The following SHISAL1 variants were observed in gnomAD, a reference collection of about 807,000 sequenced individuals.
SHISAL1 encodes the protein protein shisa-like-1.
In SHISAL1, 9 loss-of-function variants were observed where a neutral mutation model predicts 22.6. The ratio of observed to expected loss-of-function variants is 0.40; its 90% CI spans 0.24 to 0.70. SHISAL1 has a LOEUF of 0.70. SHISAL1 is among the 30% of genes least tolerant of loss of function. The pLI, the probability that SHISAL1 is intolerant of heterozygous loss-of-function variation, is 0.39. For synonymous variants in SHISAL1, 119 were observed against 115.4 expected (o/e 1.03, Z -0.20); for missense variants, 246 against 270.6 (o/e 0.91, Z 0.64).
At chr22:44,301,653 C>T (rs2055430209) in intron 1 of SHISAL1, among the ~76,000 whole-genome samples, 1 of 152,200 alleles carries the variant, frequency 6.6e-6, no homozygotes, top group South Asian at 2.1e-4. Flanking sequence ...TAGAGGCAAC[C>T]CATGTGCCCA....
chr22:44,286,035 G>A (rs936038368), intron 3 of SHISAL1, among the ~76,000 whole-genome samples: 1 of 152,190 alleles, frequency 6.6e-6, no homozygotes, highest in Non-Finnish European at 1.5e-5. Context: ...AGACACTTTG[G>A]GGGGAATTCT....
intron 4 of SHISAL1, among the ~76,000 whole-genome samples, chr22:44,272,856 G>T (rs1430243087): frequency 6.6e-6 from 1 of 152,218 alleles, no homozygotes; most frequent in African/African-American, 2.4e-5. Flanking sequence ...AGAACTTTGG[G>T]AGGCCGAGGC....
At chr22:44,326,204 G>C in the SHISAL1 span, among the ~76,000 whole-genome samples, 1 of 152,268 alleles carries the variant, frequency 6.6e-6, no homozygotes, top group Non-Finnish European at 1.5e-5. Context: ...CAAGCTCCGG[G>C]AGCCTCAGAG....
Position 44,296,137 on chromosome 22 carries a change from GTCCC to G in SHISAL1, c.281+531_281+534del, listed in dbSNP as rs374068734. 3.9e-3 allele frequency among the ~76,000 whole-genome samples: 593 copies of G among 151,756 alleles called. 4 individuals are homozygous for G. Among genetic ancestry groups the G allele is most frequent in the African/African-American group, 0.013 (546 of 41,330 alleles). ...TAACCCTGCAAAGTGAGTATTCTGT[GTCCC>G]TCCCTCCCTCCCTCCCTCTTTTCTT... On this transcript the variant is annotated intron_variant, in intron 3 of 4. Transcript: ENST00000381176.
chr22:44,297,249 A>G (rs530933811), intron 2 of SHISAL1, among the ~76,000 whole-genome samples: 4 of 152,304 alleles, frequency 2.6e-5, no homozygotes, highest in Admixed American at 1.3e-4. Flanking sequence ...CTGAGATCCC[A>G]CTTTACAGAT....
chr22:44,296,896 G>C lies in SHISAL1; in HGVS notation c.68-11C>G, dbSNP rs1569222460. On this transcript the variant is annotated splice_polypyrimidine_tract_variant and intron_variant, in intron 2 of 4. Coordinates refer to ENST00000381176, the MANE Select transcript of SHISAL1 (RefSeq NM_001099294.2). Reference sequence around the variant, plus strand: ...AATGTGCAGACAAGACTGGAAGACAGAGTCACCAGGCTCAGAGGGGTCCCT... The same window carrying C: ...AATGTGCAGACAAGACTGGAAGACACAGTCACCAGGCTCAGAGGGGTCCCT... 6.2e-7 allele frequency: 1 copy of C among 1,607,550 alleles called. No individual in the cohort carries two copies. The highest frequency in any genetic ancestry group is 1.3e-5 in the African/African-American group (1 of 74,922).
chr22:44,306,950 G>A (rs1195741141), intron 1 of SHISAL1, among the ~76,000 whole-genome samples: 7 of 149,894 alleles, frequency 4.7e-5, no homozygotes, highest in Admixed American at 3.3e-4. Flanking sequence ...TGACGATGGC[G>A]TGTGTGGAGG....
At chr22:44,327,482 C>G in the SHISAL1 span, among the ~76,000 whole-genome samples, 1 of 152,094 alleles carries the variant, frequency 6.6e-6, no homozygotes. Flanking sequence ...GGTGGGGGGA[C>G]AGAAGGCACA....
chr22:44,282,909 TG>T (rs1389274076), intron 4 of SHISAL1, among the ~76,000 whole-genome samples: 1 of 152,174 alleles, frequency 6.6e-6, no homozygotes, highest in East Asian at 1.9e-4. Flanking sequence ...ACATGGAGGC[TG>T]GGCCACCCGG....
In SHISAL1 at chr22:44,247,996, C is replaced by T. The variant is rs765573448; in HGVS notation, c.*1689G>A. 1 of 152,206 alleles carries T rather than the reference C, an allele frequency of 6.6e-6. No homozygotes were observed. Among genetic ancestry groups the T allele is most frequent in the East Asian group, 1.9e-4 (1 of 5,176 alleles). The allele number at this position is 152,206 out of a possible 1,614,324, so 9.4% of individuals were successfully genotyped here. A position where few individuals can be genotyped will look rare whatever the true frequency, so the allele number is the denominator to read the frequency against. ...GAATGCTCTTTTCCTATCTTTAACG[C>T]CCATTACTGGCTCCTGTGTGTCATT... On this transcript the variant is annotated 3_prime_UTR_variant, in exon 5 of 5. Coordinates refer to ENST00000381176, the MANE Select transcript of SHISAL1 (RefSeq NM_001099294.2).
At chr22:44,298,044 C>T (rs56228191) in intron 2 of SHISAL1, among the ~76,000 whole-genome samples, 4,789 of 152,252 alleles carry the variant, frequency 0.031, 257 homozygotes, top group African/African-American at 0.11. Context: ...AGGCTGCCTC[C>T]GGCGGGGGGC....
At position 44,274,049 on chromosome 22, in the gene SHISAL1, G is replaced by C. The variant is rs796217291; in HGVS notation, c.599+11379C>G. Among the ~76,000 whole-genome samples, 524 of 137,334 alleles carry C rather than the reference G, an allele frequency of 3.8e-3. 4 individuals are homozygous for C. The highest frequency in any genetic ancestry group is 0.014 in the African/African-American group (511 of 36,302). The allele number at this position is 137,334 out of a possible 152,430, so 90.1% of individuals were successfully genotyped here. On this transcript the variant is annotated intron_variant, in intron 4 of 4. Coordinates refer to ENST00000381176, the MANE Select transcript of SHISAL1 (RefSeq NM_001099294.2). ...CCTGGCTGACATAGTGAACCTCCCG[G>C]CCCCCCCCTCCCCCCCACCCACCCT...
intron 4 of SHISAL1, among the ~76,000 whole-genome samples, chr22:44,284,852 C>G (rs1343081083): frequency 1.4e-5 from 2 of 144,058 alleles, no homozygotes; most frequent in Admixed American, 6.8e-5. Context: ...CTGGGGCAGC[C>G]ACCCCACAAG....
chr22:44,251,999 G>T (rs1485164600), intron 4 of SHISAL1, among the ~76,000 whole-genome samples: 1 of 152,222 alleles, frequency 6.6e-6, no homozygotes, highest in African/African-American at 2.4e-5. Flanking sequence ...GCAATGAAGA[G>T]AAATTATAAA....
intron 4 of SHISAL1, among the ~76,000 whole-genome samples, chr22:44,270,324 G>A (rs1321042804): frequency 6.6e-6 from 1 of 152,218 alleles, no homozygotes; most frequent in Non-Finnish European, 1.5e-5. Context: ...CGGCACTCCA[G>A]TAAGTGTACA....
chr22:44,264,518 A>ACC (rs202214840), intron 4 of SHISAL1, among the ~76,000 whole-genome samples: 3,402 of 152,260 alleles, frequency 0.022, 263 homozygotes, highest in East Asian at 0.16. Context: ...GCAGGGTCCA[A>ACC]TGTGCAGGGG....
intron 2 of SHISAL1, among the ~76,000 whole-genome samples, chr22:44,300,046 CAGAG>C (rs1013127418): frequency 6.8e-6 from 1 of 148,140 alleles, no homozygotes; most frequent in Non-Finnish European, 1.5e-5. Flanking sequence ...CAGAAAGAGA[CAGAG>C]AGACAGAGAC....
At chr22:44,287,037 C>T (rs183736674) in intron 3 of SHISAL1, among the ~76,000 whole-genome samples, 102 of 152,116 alleles carry the variant, frequency 6.7e-4, no homozygotes, top group African/African-American at 2.2e-3. Context: ...GGAGGTCTCG[C>T]GGGCAGCAGA....
intron 3 of SHISAL1, 27 bp downstream of exon 3, chr22:44,296,645 G>C: frequency 1.2e-6 from 2 of 1,606,966 alleles, no homozygotes; most frequent in South Asian, 2.2e-5. Flanking sequence ...CGAGGCAGTG[G>C]GGTTGCACCC....
Sources: gnomAD v4.1 joint callset for allele counts (sites outside exome capture counted in the v4.1 genomes callset) on GRCh38, gnomAD v4.1.1 for gene constraint, MANE v1.5 for transcripts, NCBI Gene and HGNC (gene_info 2026-07-23, HGNC 2026-07-21) for gene names.